The following HACD3 variants were observed in gnomAD, a reference collection of about 807,000 sequenced individuals.
HACD3 encodes very-long-chain (3R)-3-hydroxyacyl-CoA dehydratase 3.
In HACD3, 30 loss-of-function variants were observed where a neutral mutation model predicts 55.2. That is an observed-to-expected ratio of 0.54 (90% confidence interval 0.41 to 0.74). The LOEUF (loss-of-function observed/expected upper bound fraction) is 0.74, where lower values mean the gene tolerates loss of function less well. Ranked by LOEUF, HACD3 falls within the 30% of genes least tolerant of loss-of-function variation. The probability of loss-of-function intolerance (pLI) is 0.00; values close to 1 mark genes in which losing one functional copy is unlikely to be tolerated. For missense variants in HACD3, 363 were observed against 440.1 expected (o/e 0.82, Z 1.57); for synonymous variants, 141 against 151.7 (o/e 0.93, Z 0.52).
chr15:65,530,717 A>G lies in HACD3; in HGVS notation c.86A>G (p.Gln29Arg). 4 of 1,556,756 alleles carry G rather than the reference A, an allele frequency of 2.6e-6. No homozygotes were observed. The highest frequency in any genetic ancestry group is 3.5e-6 in the Non-Finnish European group (4 of 1,152,114). The change falls in exon 1 of 11, where the codon CAG (glutamine) becomes CGG (arginine). Residue 29 changes from glutamine to arginine, a missense_variant and splice_region_variant. Physicochemically the swap from Gln to Arg is conservative, Grantham distance 43. Transcript: ENST00000261875. ...LYLRVELSDVQNPAISITENV... is the reference protein window; with the variant it reads ...LYLRVELSDVRNPAISITENV... ...CTGCGCGTGGAGCTGAGTGACGTAC[A>G]GGTAAAGGCCGGGTCGGGCGGCGGG...
chr15:65,532,275 T>C (rs534954158), intron 1 of HACD3, among the ~76,000 whole-genome samples: 1 of 152,150 alleles, frequency 6.6e-6, no homozygotes, highest in African/African-American at 2.4e-5. Context: ...ACAAAATCTT[T>C]TGTAGATGGG....
chr15:65,568,334 A>T (rs534165090), intron 7 of HACD3, among the ~76,000 whole-genome samples: 2 of 152,170 alleles, frequency 1.3e-5, no homozygotes, highest in Non-Finnish European at 2.9e-5. Context: ...CACTTAAAAA[A>T]TGATTAAGAT....
intron 1 of HACD3, among the ~76,000 whole-genome samples, chr15:65,533,202 G>A (rs895421411): frequency 2.4e-4 from 36 of 152,304 alleles, no homozygotes; most frequent in African/African-American, 8.2e-4. Flanking sequence ...ATTGCATTGA[G>A]AGAGCATACT....
intron 1 of HACD3, among the ~76,000 whole-genome samples, chr15:65,547,456 C>T (rs2072089164): frequency 1.3e-5 from 2 of 152,302 alleles, no homozygotes; most frequent in South Asian, 4.1e-4. Flanking sequence ...CTTAGGTAAC[C>T]TCTGCCTAAC....
chr15:65,532,281 A>G (rs352489), intron 1 of HACD3, among the ~76,000 whole-genome samples: 142,908 of 152,094 alleles, frequency 0.94, 67,145 homozygotes, highest in Admixed American at 0.96. Flanking sequence ...TCTTTTGTAG[A>G]TGGGGATCAA....
At chr15:65,561,465 C>CAA (rs1295006077) in intron 5 of HACD3, among the ~76,000 whole-genome samples, 7 of 132,876 alleles carry the variant, frequency 5.3e-5, no homozygotes, top group Admixed American at 3.1e-4. Context: ...GACTCTGTCT[C>CAA]AAAAAAAAAA....
chr15:65,574,840 A>G (rs1382824990), intron 10 of HACD3, among the ~76,000 whole-genome samples: 2 of 152,256 alleles, frequency 1.3e-5, no homozygotes, highest in African/African-American at 2.4e-5. Flanking sequence ...CTAATTAAAG[A>G]CAGCTTTTTA....
intron 2 of HACD3, among the ~76,000 whole-genome samples, chr15:65,552,793 T>G (rs1207950223): frequency 6.6e-6 from 1 of 151,948 alleles, no homozygotes; most frequent in African/African-American, 2.4e-5. Context: ...CTGCACCCAC[T>G]AACTCGTCAT....
chr15:65,535,799 A>C, intron 1 of HACD3: 1 of 651,424 alleles, frequency 1.5e-6, no homozygotes, highest in Non-Finnish European at 2.8e-6. Context: ...GGGTTTGAGC[A>C]GTCCTCCTGG....
intron 1 of HACD3, among the ~76,000 whole-genome samples, chr15:65,544,296 C>CT (rs2072051847): frequency 6.6e-6 from 1 of 152,230 alleles, no homozygotes; most frequent in African/African-American, 2.4e-5. Context: ...GGATCTAGAG[C>CT]TGTTCAGTCT....
intron 1 of HACD3, among the ~76,000 whole-genome samples, chr15:65,540,676 C>G (rs1270537514): frequency 6.6e-6 from 1 of 152,108 alleles, no homozygotes; most frequent in Non-Finnish European, 1.5e-5. Context: ...AGATGTAGGT[C>G]ATGTAGAGCC....
At position 65,577,805 on chromosome 15, in the gene HACD3, G is replaced by A. The variant is rs1416700593; in HGVS notation, c.*1426G>A. ...AGCAAGAACTTCGGGGTGAACACCC[G>A]CTGATCCTTTAACAAGGATTTCTGG... is the stretch of plus-strand genomic sequence containing the variant. On this transcript the variant is annotated 3_prime_UTR_variant, in exon 11 of 11. Transcript: ENST00000261875. 4 of 152,478 alleles carry A rather than the reference G, an allele frequency of 2.6e-5. No homozygotes were observed. The highest frequency in any genetic ancestry group is 4.4e-5 in the Non-Finnish European group (3 of 68,036). 9.4% of individuals were successfully genotyped at this position (152,478 alleles called of 1,614,324 possible).
chr15:65,571,695 G>A (rs759556812), intron 9 of HACD3, 41 bp downstream of exon 9: 105 of 1,484,732 alleles, frequency 7.1e-5, no homozygotes, highest in Admixed American at 5.2e-5. Context: ...TTAGCTCCAG[G>A]GGGTACCCAG....
chr15:65,571,079 T>G (rs2072343370), intron 8 of HACD3, among the ~76,000 whole-genome samples: 1 of 152,182 alleles, frequency 6.6e-6, no homozygotes, highest in Non-Finnish European at 1.5e-5. Context: ...AGGATCAGAT[T>G]ATGGGTCCTT....
At chr15:65,536,216 T>A (rs2071953647) in intron 1 of HACD3, among the ~76,000 whole-genome samples, 1 of 151,956 alleles carries the variant, frequency 6.6e-6, no homozygotes, top group Non-Finnish European at 1.5e-5. Flanking sequence ...GAGGTTGGTC[T>A]CGAACTCCTA....
chr15:65,530,903 G>A (rs927431342), intron 1 of HACD3, 185 bp downstream of exon 1: 13 of 585,116 alleles, frequency 2.2e-5, no homozygotes. Flanking sequence ...CGGGCCGGGG[G>A]CACAACCCCC....
intron 7 of HACD3, among the ~76,000 whole-genome samples, chr15:65,569,710 T>TA (rs1175804993): frequency 6.6e-6 from 1 of 152,130 alleles, no homozygotes; most frequent in African/African-American, 2.4e-5. Flanking sequence ...CCCGTCTCGA[T>TA]AAAAAAGAAA....
At chr15:65,573,319 T>A (rs2141227375) in intron 10 of HACD3, among the ~76,000 whole-genome samples, 1 of 152,260 alleles carries the variant, frequency 6.6e-6, no homozygotes, top group Non-Finnish European at 1.5e-5. Context: ...GTTAAATTCT[T>A]ATTAGAGGCC....
At chr15:65,551,582 T>C in intron 1 of HACD3, 94 bp from the exon 2 acceptor site, 2 of 1,411,586 alleles carry the variant, frequency 1.4e-6, no homozygotes, top group South Asian at 1.2e-5. Flanking sequence ...TTTGAGTCCT[T>C]ATGGGAGAGG....
Sources: gnomAD v4.1 joint callset for allele counts (sites outside exome capture counted in the v4.1 genomes callset) on GRCh38, gnomAD v4.1.1 for gene constraint, MANE v1.5 for transcripts, NCBI Gene and HGNC (gene_info 2026-07-23, HGNC 2026-07-21) for gene names.